Variants in LY96 observed in about 807,000 individuals in gnomAD.
LY96 encodes lymphocyte antigen 96.
A neutral mutation model predicts 18.9 loss-of-function variants in LY96; 18 were observed. That is an observed-to-expected ratio of 0.95 (90% confidence interval 0.66 to 1.41). LY96 has a LOEUF of 1.41. Ranked by LOEUF, LY96 falls within the 40% of genes most tolerant of loss-of-function variation. The pLI is 0.00. For missense variants in LY96, 175 were observed against 182.4 expected, an observed-to-expected ratio of 0.96 and a Z score of 0.23; for synonymous variants, 66 against 62.6, an observed-to-expected ratio of 1.06 and a Z score of -0.26.
chr8:74,034,373 TA>T, the LY96 span, among the ~76,000 whole-genome samples: 8,306 of 145,310 alleles, frequency 0.057, 256 homozygotes, highest in African/African-American at 0.092. Flanking sequence ...CTCTGTGCCT[TA>T]AAAAAAAAAA....
chr8:73,994,087 C>T (rs147705688), intron 1 of LY96, among the ~76,000 whole-genome samples: 85 of 151,846 alleles, frequency 5.6e-4, no homozygotes, highest in Middle Eastern at 3.4e-3. Context: ...TGGGTTCAAG[C>T]GATTCTTTTG....
chr8:74,018,699 A>G (rs1816695687), intron 3 of LY96, among the ~76,000 whole-genome samples: 1 of 152,248 alleles, frequency 6.6e-6, no homozygotes. Context: ...CAAATGTAAA[A>G]GAACAGAAAT....
At chr8:74,006,616 G>T (rs1035918399) in intron 2 of LY96, among the ~76,000 whole-genome samples, 1 of 152,184 alleles carries the variant, frequency 6.6e-6, no homozygotes, top group African/African-American at 2.4e-5. Context: ...CAGAGCAAAG[G>T]ATGATTAACT....
the LY96 span, among the ~76,000 whole-genome samples, chr8:74,052,073 A>C: frequency 6.6e-6 from 1 of 152,222 alleles, no homozygotes; most frequent in African/African-American, 2.4e-5. Context: ...GGAAAAATAA[A>C]AGAAAAAGAA....
chr8:74,028,858 A>T, intron 4 of LY96, 98 bp from the exon 5 acceptor site: 1 of 686,686 alleles, frequency 1.5e-6, no homozygotes, highest in Non-Finnish European at 2.5e-6. Context: ...AATCCAATTT[A>T]AATGGCTTTC....
chr8:74,088,091 AATAGAATAGAATAGAATAG>A, the LY96 span, among the ~76,000 whole-genome samples: 2 of 121,040 alleles, frequency 1.7e-5, no homozygotes, highest in African/African-American at 6.1e-5. Context: ...AGAAGAATAG[AATAGAATAGAATAGAATAG>A]AATAGAATAG....
chr8:74,042,513 C>T, the LY96 span, among the ~76,000 whole-genome samples: 1 of 151,558 alleles, frequency 6.6e-6, no homozygotes, highest in South Asian at 2.1e-4. Flanking sequence ...AGCGAAACTC[C>T]ATCTCAAAAA....
chr8:74,068,460 T>G, the LY96 span, among the ~76,000 whole-genome samples: 1 of 152,218 alleles, frequency 6.6e-6, no homozygotes, highest in Non-Finnish European at 1.5e-5. Context: ...TGTGAACAAA[T>G]AATTTCTGAG....
At chr8:74,068,061 CAAAAAAA>C in the LY96 span, among the ~76,000 whole-genome samples, 15 of 36,182 alleles carry the variant, frequency 4.1e-4, no homozygotes, top group South Asian at 1.5e-3. Context: ...AACTCTGTCT[CAAAAAAA>C]AAAAAAAAAA....
the LY96 span, among the ~76,000 whole-genome samples, chr8:74,054,635 T>TCTTTCTTC: frequency 7.8e-6 from 1 of 127,432 alleles, no homozygotes; most frequent in Non-Finnish European, 1.6e-5. Context: ...TTTCTTTCTT[T>TCTTTCTTC]CTTTCTTTCT....
At chr8:74,011,918 A>G (rs1327673036) in intron 3 of LY96, among the ~76,000 whole-genome samples, 4 of 151,142 alleles carry the variant, frequency 2.6e-5, no homozygotes, top group Non-Finnish European at 4.4e-5. Context: ...GATACTTTTC[A>G]AAAGAACAGA....
Position 74,014,567 on chromosome 8 carries a change from A to G in LY96, c.331+4438A>G, listed in dbSNP as rs1296303745. Among the ~76,000 whole-genome samples, 3 of 151,822 alleles carry G rather than the reference A, an allele frequency of 2.0e-5. No homozygotes were observed. In the South Asian group the frequency reaches 6.3e-4, roughly 32 times the overall value. On this transcript the variant is annotated intron_variant, in intron 3 of 4. Coordinates refer to ENST00000284818, the MANE Select transcript of LY96 (RefSeq NM_015364.5). ...GCTCAAGGTAATTTTGGAATATTCA[A>G]ATAAACATGGCCATCTGGCAGCTGA... is the stretch of plus-strand genomic sequence containing the variant.
chr8:74,037,502 C>A, the LY96 span, among the ~76,000 whole-genome samples: 1 of 151,996 alleles, frequency 6.6e-6, no homozygotes, highest in Non-Finnish European at 1.5e-5. Flanking sequence ...CATCGCAGCA[C>A]CTGCCTGTAG....
At chr8:74,019,331 A>G (rs975679211) in intron 3 of LY96, among the ~76,000 whole-genome samples, 5 of 152,226 alleles carry the variant, frequency 3.3e-5, no homozygotes, top group Admixed American at 3.3e-4. Flanking sequence ...AGAAATGGAT[A>G]AATTCCTGGA....
chr8:74,015,492 T>G (rs1196325359), intron 3 of LY96, among the ~76,000 whole-genome samples: 4 of 152,180 alleles, frequency 2.6e-5, no homozygotes, highest in Non-Finnish European at 4.4e-5. Context: ...CCTCCTATGT[T>G]TGTCTATCTC....
chr8:73,994,203 C>T (rs1816074247), intron 1 of LY96, among the ~76,000 whole-genome samples: 1 of 151,922 alleles, frequency 6.6e-6, no homozygotes, highest in South Asian at 2.1e-4. Context: ...CTGAGAAACC[C>T]TGTGGTCCTT....
At chr8:74,054,574 TCCC>T in the LY96 span, among the ~76,000 whole-genome samples, 1 of 115,392 alleles carries the variant, frequency 8.7e-6, no homozygotes, top group Non-Finnish European at 1.7e-5. Context: ...CTTCCCTCCC[TCCC>T]CCCTCCCTCC....
chr8:73,996,372 C>CATTTCTTTCTTTCTTTCTTT lies in LY96; in HGVS notation c.112+4818_112+4819insATTTCTTTCTTTCTTTCTTT, dbSNP rs756373007. Among the ~76,000 whole-genome samples the CATTTCTTTCTTTCTTTCTTT allele has an allele frequency of 1.8e-3, 197 of 111,006 alleles. 2 individuals carry two copies. The highest frequency in any genetic ancestry group is 3.5e-3 in the East Asian group (11 of 3,154). 72.8% of individuals were successfully genotyped at this position (111,006 alleles called of 152,430 possible). On this transcript the variant is annotated intron_variant, in intron 1 of 4. Coordinates refer to ENST00000284818, the MANE Select transcript of LY96 (RefSeq NM_015364.5). Reference sequence around the variant, plus strand: ...TCCTTCCTTCCTTCCTTCCTTCATTCCTTTCTTTCTTTCTTTCTTTCTTTC... The same window carrying CATTTCTTTCTTTCTTTCTTT: ...TCCTTCCTTCCTTCCTTCCTTCATTCATTTCTTTCTTTCTTTCTTTCTTTCTTTCTTTCTTTCTTTCTTTC...
At chr8:74,020,180 C>A (rs1816730431) in intron 3 of LY96, among the ~76,000 whole-genome samples, 1 of 152,198 alleles carries the variant, frequency 6.6e-6, no homozygotes. Context: ...CCCATCATCT[C>A]AGCCCCAAAT....
Sources: allele counts gnomAD v4.1 joint callset (sites outside exome capture counted in the v4.1 genomes callset), GRCh38; gene constraint gnomAD v4.1.1; transcripts MANE v1.5; gene names NCBI Gene and HGNC (gene_info 2026-07-23, HGNC 2026-07-21).